Variants in CHN2 observed in about 807,000 individuals in gnomAD.
CHN2 encodes the protein beta-chimaerin.
CHN2 carries 35 observed loss-of-function variants against 56.3 expected under a neutral mutation model. The observed-to-expected ratio is 0.62, with a 90% CI of 0.47 to 0.82. CHN2 has a LOEUF of 0.82. CHN2 is among the 40% of genes least tolerant of loss of function. The pLI, the probability that CHN2 is intolerant of heterozygous loss-of-function variation, is 0.00. For missense variants in CHN2, 491 were observed against 580.5 expected (o/e 0.85, Z 1.58); for synonymous variants, 210 against 212.8 (o/e 0.99, Z 0.12).
chr7:29,353,636 A>G (rs1176802725), intron 1 of CHN2, among the ~76,000 whole-genome samples: 4 of 152,218 alleles, frequency 2.6e-5, no homozygotes, highest in African/African-American at 9.6e-5. Flanking sequence ...TGTCTCAAAA[A>G]AAAAGAAAGA....
intron 2 of CHN2, among the ~76,000 whole-genome samples, chr7:29,365,142 CT>C (rs1354903420): frequency 6.6e-6 from 1 of 152,210 alleles, no homozygotes; most frequent in Non-Finnish European, 1.5e-5. Context: ...TAACTATTTC[CT>C]TCTAACAGAG....
chr7:29,157,819 G>A (rs1326283919), intron 2 of CHN2, among the ~76,000 whole-genome samples: 3 of 148,374 alleles, frequency 2.0e-5, no homozygotes, highest in African/African-American at 4.9e-5. Context: ...GTTTCAAAGA[G>A]GCACTTAGGA....
intron 2 of CHN2, 137 bp from the exon 3 acceptor site, chr7:29,367,795 G>A (rs951637778): frequency 1.8e-6 from 1 of 559,460 alleles, no homozygotes; most frequent in Non-Finnish European, 2.8e-6. Context: ...TCTAAAAAAT[G>A]TGCCTGTATT....
At chr7:29,167,902 C>T (rs1213225529) in intron 2 of CHN2, among the ~76,000 whole-genome samples, 1 of 152,212 alleles carries the variant, frequency 6.6e-6, no homozygotes, top group Non-Finnish European at 1.5e-5. Flanking sequence ...CAAAAACCCC[C>T]ATGCTTTCCT....
chr7:29,510,387 G>A (rs1042927038), intron 12 of CHN2, among the ~76,000 whole-genome samples: 8 of 152,022 alleles, frequency 5.3e-5, no homozygotes, highest in South Asian at 2.1e-4. Flanking sequence ...TGCAGTGAGC[G>A]AAGATGGCAC....
intron 1 of CHN2, among the ~76,000 whole-genome samples, chr7:29,332,118 A>G (rs941336246): frequency 6.6e-6 from 1 of 152,220 alleles, no homozygotes; most frequent in Non-Finnish European, 1.5e-5. Context: ...ATCCATCCAA[A>G]GGAGAAAATA....
At chr7:29,441,630 G>A (rs976942731) in intron 6 of CHN2, among the ~76,000 whole-genome samples, 2 of 152,022 alleles carry the variant, frequency 1.3e-5, no homozygotes, top group Admixed American at 6.6e-5. Flanking sequence ...AACTTCAATC[G>A]ATATTTTTCC....
chr7:29,443,872 T>C (rs1783849006), intron 6 of CHN2, among the ~76,000 whole-genome samples: 1 of 152,168 alleles, frequency 6.6e-6, no homozygotes, highest in Admixed American at 6.5e-5. Context: ...GGTCATATGG[T>C]CAAGCCTAAT....
intron 7 of CHN2, among the ~76,000 whole-genome samples, chr7:29,481,457 C>T (rs1205043247): frequency 6.6e-6 from 1 of 152,214 alleles, no homozygotes; most frequent in African/African-American, 2.4e-5. Flanking sequence ...TGGTCTGTTT[C>T]CCTGCATCTG....
intron 6 of CHN2, among the ~76,000 whole-genome samples, chr7:29,468,172 T>G (rs1785724977): frequency 1.2e-5 from 1 of 86,918 alleles, no homozygotes; most frequent in Admixed American, 1.6e-4. Flanking sequence ...CTACCCAAAA[T>G]TTTGTTTGGT....
chr7:29,340,726 A>T (rs1397233520), intron 1 of CHN2, among the ~76,000 whole-genome samples: 1 of 152,242 alleles, frequency 6.6e-6, no homozygotes, highest in Non-Finnish European at 1.5e-5. Flanking sequence ...AGTTTCCCTC[A>T]CAGGCCAGGA....
intron 1 of CHN2, among the ~76,000 whole-genome samples, chr7:29,310,968 G>T (rs1425785008): frequency 6.6e-6 from 1 of 152,154 alleles, no homozygotes; most frequent in African/African-American, 2.4e-5. Context: ...TTATTAAAAA[G>T]AAAACTATTG....
chr7:29,367,902 TTCTCTC>T (rs142914048), intron 2 of CHN2, 24 bp from the exon 3 acceptor site: 35 of 1,471,220 alleles, frequency 2.4e-5, no homozygotes, highest in South Asian at 3.6e-5. Flanking sequence ...TTCTAATTAT[TTCTCTC>T]TCTCTCTCTC....
chr7:29,313,496 C>T (rs1794737256), intron 1 of CHN2, among the ~76,000 whole-genome samples: 1 of 152,196 alleles, frequency 6.6e-6, no homozygotes, highest in African/African-American at 2.4e-5. Context: ...CAGCCCTGGC[C>T]CTACCCGAGG....
At chr7:29,298,059 G>T (rs980340218) in intron 1 of CHN2, among the ~76,000 whole-genome samples, 20 of 152,170 alleles carry the variant, frequency 1.3e-4, no homozygotes, top group African/African-American at 4.8e-4. Flanking sequence ...ACTTCGGCAG[G>T]CACCACCCAC....
intron 3 of CHN2, among the ~76,000 whole-genome samples, chr7:29,370,182 A>G (rs536444801): frequency 6.6e-6 from 1 of 152,144 alleles, no homozygotes; most frequent in African/African-American, 2.4e-5. Flanking sequence ...GTTCCTGCCT[A>G]AATTCCCAAG....
At chr7:29,459,418 G>A (rs1035881767) in intron 6 of CHN2, among the ~76,000 whole-genome samples, 1 of 152,136 alleles carries the variant, frequency 6.6e-6, no homozygotes, top group Non-Finnish European at 1.5e-5. Context: ...AGGAATCAGG[G>A]TAAGGTCATG....
At chr7:29,477,152 G>A (rs941109551) in intron 6 of CHN2, among the ~76,000 whole-genome samples, 5 of 152,256 alleles carry the variant, frequency 3.3e-5, no homozygotes, top group Admixed American at 1.3e-4. Flanking sequence ...TAATAAGAGG[G>A]TGATCTGAGG....
At chr7:29,309,158 GA>G (rs1274603327) in intron 1 of CHN2, among the ~76,000 whole-genome samples, 1 of 152,182 alleles carries the variant, frequency 6.6e-6, no homozygotes, top group Non-Finnish European at 1.5e-5. Context: ...TAAATTTCAA[GA>G]AGCAGCCAAA....
Sources: allele counts gnomAD v4.1 joint callset (sites outside exome capture counted in the v4.1 genomes callset), GRCh38; gene constraint gnomAD v4.1.1; transcripts MANE v1.5; gene names NCBI Gene and HGNC (gene_info 2026-07-23, HGNC 2026-07-21).